The following CDH13 variants were observed in gnomAD, a reference collection of about 807,000 sequenced individuals.
CDH13 encodes cadherin 13.
A neutral mutation model predicts 63.8 loss-of-function variants in CDH13; 24 were observed. The ratio of observed to expected loss-of-function variants is 0.38; its 90% CI spans 0.27 to 0.53. The LOEUF (loss-of-function observed/expected upper bound fraction) is 0.53, where lower values mean the gene tolerates loss of function less well. Ranked by LOEUF, CDH13 falls within the 20% of genes least tolerant of loss-of-function variation. The probability of loss-of-function intolerance (pLI) is 0.85; values close to 1 mark genes in which losing one functional copy is unlikely to be tolerated. For synonymous variants in CDH13, 503 were observed against 355.3 expected (o/e 1.42, Z -4.67); for missense variants, 1,049 against 903.1 (o/e 1.16, Z -2.07).
At chr16:82,861,245 C>G (rs1236806998) in intron 2 of CDH13, among the ~76,000 whole-genome samples, 1 of 152,174 alleles carries the variant, frequency 6.6e-6, no homozygotes, top group Non-Finnish European at 1.5e-5. Flanking sequence ...ATCTTGTGCC[C>G]TACTCATGAC....
intron 10 of CDH13, among the ~76,000 whole-genome samples, chr16:83,690,395 A>C (rs1904734703): frequency 6.6e-6 from 1 of 152,256 alleles, no homozygotes; most frequent in South Asian, 2.1e-4. Flanking sequence ...GAGGAAGTGG[A>C]GGTGAGCCAC....
chr16:83,716,569 C>A (rs946362266), intron 10 of CDH13, among the ~76,000 whole-genome samples: 10 of 152,114 alleles, frequency 6.6e-5, no homozygotes, highest in African/African-American at 9.7e-5. Flanking sequence ...CTGCAACCTC[C>A]ACCTCCTGGA....
intron 6 of CDH13, among the ~76,000 whole-genome samples, chr16:83,434,125 G>A (rs1208343424): frequency 6.6e-6 from 1 of 152,160 alleles, no homozygotes; most frequent in Non-Finnish European, 1.5e-5. Context: ...ATCGTTAATA[G>A]CCCAGTCTTC....
At chr16:83,545,963 A>C (rs1017759566) in intron 7 of CDH13, among the ~76,000 whole-genome samples, 1 of 152,222 alleles carries the variant, frequency 6.6e-6, no homozygotes, top group African/African-American at 2.4e-5. Context: ...ACAAGAAAGC[A>C]TAGAGCCATT....
chr16:83,239,971 G>C (rs1306313336), intron 5 of CDH13, among the ~76,000 whole-genome samples: 3 of 152,172 alleles, frequency 2.0e-5, no homozygotes, highest in Non-Finnish European at 2.9e-5. Context: ...TGATGAAAGA[G>C]AAGGTCATGA....
chr16:83,676,870 C>T (rs928606602), intron 9 of CDH13, among the ~76,000 whole-genome samples: 2 of 152,214 alleles, frequency 1.3e-5, no homozygotes, highest in African/African-American at 2.4e-5. Context: ...TGCCAGATTC[C>T]ATTCCCACCT....
At chr16:83,436,134 C>T (rs2072293827) in intron 6 of CDH13, among the ~76,000 whole-genome samples, 1 of 152,128 alleles carries the variant, frequency 6.6e-6, no homozygotes, top group African/African-American at 2.4e-5. Context: ...CAAATGTCAC[C>T]AGTGGCAAGG....
At chr16:82,767,724 T>C (rs1181867547) in intron 1 of CDH13, among the ~76,000 whole-genome samples, 1 of 152,216 alleles carries the variant, frequency 6.6e-6, no homozygotes, top group Non-Finnish European at 1.5e-5. Context: ...ATTGACTCCC[T>C]TGGGTTTCTG....
At chr16:83,076,794 A>G (rs1374607506) in intron 3 of CDH13, among the ~76,000 whole-genome samples, 1 of 152,154 alleles carries the variant, frequency 6.6e-6, no homozygotes, top group East Asian at 1.9e-4. Flanking sequence ...TTTCTTCTTC[A>G]GAGGAAAATT....
chr16:83,258,525 A>G (rs983688448), intron 5 of CDH13, among the ~76,000 whole-genome samples: 2 of 152,200 alleles, frequency 1.3e-5, no homozygotes, highest in Non-Finnish European at 2.9e-5. Flanking sequence ...GCACTCTGTG[A>G]AAGATTGGGT....
chr16:83,544,113 C>G (rs1177307224), intron 7 of CDH13, among the ~76,000 whole-genome samples: 1 of 152,186 alleles, frequency 6.6e-6, no homozygotes, highest in Non-Finnish European at 1.5e-5. Context: ...AGCACACCCT[C>G]TCACTGAATG....
chr16:83,576,401 C>A (rs1567778292), intron 7 of CDH13, among the ~76,000 whole-genome samples: 1 of 152,146 alleles, frequency 6.6e-6, no homozygotes. Flanking sequence ...TTTGTTTATC[C>A]ATTCGTCTGT....
intron 5 of CDH13, among the ~76,000 whole-genome samples, chr16:83,315,053 C>T (rs912704776): frequency 2.0e-4 from 31 of 152,276 alleles, no homozygotes; most frequent in African/African-American, 7.5e-4. Context: ...AAAAGGGTCA[C>T]CCATGCTGAC....
intron 3 of CDH13, among the ~76,000 whole-genome samples, chr16:83,122,152 G>C (rs1333161069): frequency 3.3e-5 from 5 of 152,184 alleles, no homozygotes. Context: ...TTGCATATTG[G>C]AAATGATATT....
chr16:83,377,662 C>G (rs2091483162), intron 6 of CDH13, among the ~76,000 whole-genome samples: 1 of 152,200 alleles, frequency 6.6e-6, no homozygotes, highest in Non-Finnish European at 1.5e-5. Flanking sequence ...TTGCAAGGCT[C>G]CAACCAGTGA....
intron 6 of CDH13, among the ~76,000 whole-genome samples, chr16:83,455,234 C>A (rs2072990164): frequency 1.3e-5 from 2 of 152,206 alleles, no homozygotes; most frequent in African/African-American, 2.4e-5. Context: ...CAACTTGGAC[C>A]ATGTGGAGTG....
At chr16:83,671,880 G>C (rs1311967467) in intron 9 of CDH13, among the ~76,000 whole-genome samples, 4 of 152,218 alleles carry the variant, frequency 2.6e-5, no homozygotes, top group South Asian at 4.1e-4. Context: ...TAGCACAGAA[G>C]GCTTGCTACA....
At chr16:83,061,747 CA>C (rs1323442539) in intron 3 of CDH13, among the ~76,000 whole-genome samples, 1 of 152,254 alleles carries the variant, frequency 6.6e-6, no homozygotes, top group East Asian at 1.9e-4. Flanking sequence ...GTAGAAAGAA[CA>C]AAAATAAAGA....
At chr16:83,690,174 C>CA (rs977437262) in intron 10 of CDH13, among the ~76,000 whole-genome samples, 8 of 150,894 alleles carry the variant, frequency 5.3e-5, no homozygotes, top group South Asian at 2.1e-4. Flanking sequence ...AACTCCGTCT[C>CA]AAAAAAAAGA....
Sources: gnomAD v4.1 joint callset for allele counts (sites outside exome capture counted in the v4.1 genomes callset) on GRCh38, gnomAD v4.1.1 for gene constraint, MANE v1.5 for transcripts, NCBI Gene and HGNC (gene_info 2026-07-23, HGNC 2026-07-21) for gene names.